The following DIP2B variants were observed in gnomAD, a reference collection of about 807,000 sequenced individuals.
The protein encoded by DIP2B is DIP2 acetate--CoA ligase B (putative).
Under a neutral mutation model 198.0 loss-of-function variants are expected in DIP2B, and 76 were observed. The observed-to-expected ratio is 0.38, with a 90% confidence interval of 0.32 to 0.46. The LOEUF is 0.46. Ranked by LOEUF, DIP2B falls within the 20% of genes least tolerant of loss-of-function variation. The probability of loss-of-function intolerance (pLI) is 0.99; values close to 1 mark genes in which losing one functional copy is unlikely to be tolerated. For missense variants in DIP2B, 1,559 were observed against 1,978.4 expected (o/e 0.79, Z 4.02); for synonymous variants, 701 against 739.1 (o/e 0.95, Z 0.84).
intron 2 of DIP2B, among the ~76,000 whole-genome samples, chr12:50,639,928 T>G (rs1364024420): frequency 6.6e-6 from 1 of 152,102 alleles, no homozygotes; most frequent in Non-Finnish European, 1.5e-5. Context: ...CCAGGGCATA[T>G]AGGGAGCAGG....
intron 1 of DIP2B, among the ~76,000 whole-genome samples, chr12:50,610,097 C>G (rs897636477): frequency 6.6e-6 from 1 of 152,176 alleles, no homozygotes; most frequent in African/African-American, 2.4e-5. Context: ...TTATTTCTAG[C>G]TTTTATTCTA....
chr12:50,745,518 T>TTAA lies in DIP2B; in HGVS notation c.*680_*681insAAT. The TTAA allele has an allele frequency of 6.6e-6, 1 of 152,546 alleles. No individual in the cohort carries two copies. Among genetic ancestry groups the TTAA allele is most frequent in the Admixed American group, 6.5e-5 (1 of 15,306 alleles). The allele number at this position is 152,546 out of a possible 1,614,324, so 9.4% of individuals were successfully genotyped here. A position where few individuals can be genotyped will look rare whatever the true frequency, so the allele number is the denominator to read the frequency against. ...TCAATATTCTCTTAATGTTGTGTAA[T>TTAA]TGATTAGGTAACTAAAAAGCGCAAA... On this transcript the variant is annotated 3_prime_UTR_variant, in exon 38 of 38. Transcript: ENST00000301180.
intron 1 of DIP2B, among the ~76,000 whole-genome samples, chr12:50,508,703 A>G (rs564432516): frequency 1.5e-5 from 2 of 132,522 alleles, no homozygotes; most frequent in Admixed American, 1.7e-4. Flanking sequence ...TTCTCTAAGG[A>G]AATGCTACCT....
At chr12:50,717,618 C>T (rs975251156) in intron 23 of DIP2B, among the ~76,000 whole-genome samples, 4 of 151,998 alleles carry the variant, frequency 2.6e-5, no homozygotes, top group East Asian at 1.9e-4. Flanking sequence ...CCGCCCGCCT[C>T]GGCCTCCCAA....
Position 50,704,878 on chromosome 12 carries a change from C to T in DIP2B, c.2406+658C>T, listed in dbSNP as rs139695268. On this transcript the variant is annotated intron_variant, in intron 20 of 37. Transcript: ENST00000301180. ...ACTTGGGAGGCTGAGGCAGGAGAAT[C>T]GCTTAAACCCAGGAGGTGGAGATCA... Among the ~76,000 whole-genome samples the T allele has an allele frequency of 1.5e-3, 222 of 152,088 alleles. 2 individuals carry two copies. Among genetic ancestry groups the T allele is most frequent in the African/African-American group, 4.6e-3 (191 of 41,470 alleles).
chr12:50,677,520 C>T (rs1177550885), intron 7 of DIP2B, among the ~76,000 whole-genome samples: 6 of 152,032 alleles, frequency 3.9e-5, no homozygotes, highest in Non-Finnish European at 7.4e-5. Flanking sequence ...GAGGCTGAGG[C>T]AGGAGAATCT....
chr12:50,652,371 G>A (rs996794533), intron 3 of DIP2B, among the ~76,000 whole-genome samples: 20 of 124,450 alleles, frequency 1.6e-4, no homozygotes, highest in South Asian at 2.7e-4. Context: ...ACACACACAC[G>A]CACACACACA....
rs1324816391 is a variant in DIP2B at position 50,671,172 on chromosome 12, C to G, written c.428-14C>G. On this transcript the variant is annotated splice_polypyrimidine_tract_variant and intron_variant, in intron 4 of 37. Coordinates refer to ENST00000301180, the MANE Select transcript of DIP2B (RefSeq NM_173602.3). Reference sequence around the variant, plus strand: ...GGTAGGATCGAGAACTTCTTTTTTTCTAATTCCACACAGACACATCTTCGG... The same window carrying G: ...GGTAGGATCGAGAACTTCTTTTTTTGTAATTCCACACAGACACATCTTCGG... 6.2e-7 allele frequency: 1 copy of G among 1,609,934 alleles called. No homozygotes were observed.
chr12:50,653,468 A>G (rs1487940921), intron 3 of DIP2B, among the ~76,000 whole-genome samples: 2 of 149,504 alleles, frequency 1.3e-5, no homozygotes, highest in African/African-American at 2.5e-5. Flanking sequence ...AGCCCTGGGT[A>G]GCTGGTACTA....
At chr12:50,638,312 A>G (rs1471894828) in intron 2 of DIP2B, among the ~76,000 whole-genome samples, 1 of 152,250 alleles carries the variant, frequency 6.6e-6, no homozygotes, top group Non-Finnish European at 1.5e-5. Context: ...AAGCAGAACA[A>G]TGAAATTGTA....
chr12:50,546,747 G>T (rs1359158264), intron 1 of DIP2B, among the ~76,000 whole-genome samples: 1 of 152,140 alleles, frequency 6.6e-6, no homozygotes, highest in East Asian at 1.9e-4. Flanking sequence ...GACGAGGAGG[G>T]AGTGGGCTGT....
At chr12:50,691,221 G>A (rs1939217170) in intron 13 of DIP2B, 70 bp downstream of exon 13, 2 of 1,336,802 alleles carry the variant, frequency 1.5e-6, no homozygotes, top group Admixed American at 3.6e-5. Flanking sequence ...ACAATGCTCA[G>A]TGATTGGACC....
intron 32 of DIP2B, among the ~76,000 whole-genome samples, chr12:50,733,896 GC>G (rs1940092171): frequency 6.6e-6 from 1 of 152,180 alleles, no homozygotes; most frequent in Non-Finnish European, 1.5e-5. Context: ...TCCCTGGGTT[GC>G]CGACCTGTGT....
chr12:50,689,614 C>T (rs1180529870), intron 12 of DIP2B, among the ~76,000 whole-genome samples: 1 of 152,056 alleles, frequency 6.6e-6, no homozygotes, highest in Non-Finnish European at 1.5e-5. Context: ...TTTCCAGGGG[C>T]AGGGACGGGG....
intron 1 of DIP2B, among the ~76,000 whole-genome samples, chr12:50,603,324 A>G (rs1040567585): frequency 6.6e-6 from 1 of 152,170 alleles, no homozygotes; most frequent in Non-Finnish European, 1.5e-5. Flanking sequence ...TGAAAAGAAG[A>G]CTAGGCAGGG....
Position 50,531,312 on chromosome 12 carries a change from T to C in DIP2B, c.100+26072T>C, listed in dbSNP as rs551326074. 1.1e-4 allele frequency among the ~76,000 whole-genome samples: 16 copies of C among 152,142 alleles called. No homozygotes were observed. The South Asian group carries it at 1.2e-3, about 12-fold the overall frequency. On this transcript the variant is annotated intron_variant, in intron 1 of 37. Coordinates refer to ENST00000301180, the MANE Select transcript of DIP2B (RefSeq NM_173602.3). Reference sequence around the variant, plus strand: ...ATCCGCCCACCTCGGCCTCCCAGAGTGCTGGGATTATAGGTGTGAGCCGCT... The same window carrying C: ...ATCCGCCCACCTCGGCCTCCCAGAGCGCTGGGATTATAGGTGTGAGCCGCT...
At chr12:50,709,475 AC>A (rs1193057168) in intron 22 of DIP2B, among the ~76,000 whole-genome samples, 2 of 150,334 alleles carry the variant, frequency 1.3e-5, no homozygotes, top group Non-Finnish European at 3.0e-5. Context: ...TACTAAAAAT[AC>A]AAAAAAAAAA....
At chr12:50,639,109 A>T (rs1398245396) in intron 2 of DIP2B, among the ~76,000 whole-genome samples, 3 of 71,492 alleles carry the variant, frequency 4.2e-5, no homozygotes, top group African/African-American at 9.3e-5. Context: ...TTTTTTTTTG[A>T]GACAGAGTCT....
At chr12:50,736,971 T>G in intron 34 of DIP2B, 65 bp from the exon 35 acceptor site, 1 of 1,519,648 alleles carries the variant, frequency 6.6e-7, no homozygotes, top group Non-Finnish European at 9.1e-7. Flanking sequence ...TAACTAACCG[T>G]GCGTTTCCTG....
Sources: allele counts gnomAD v4.1 joint callset (sites outside exome capture counted in the v4.1 genomes callset), GRCh38; gene constraint gnomAD v4.1.1; transcripts MANE v1.5; gene names NCBI Gene and HGNC (gene_info 2026-07-23, HGNC 2026-07-21).